GOPC: variants seen among roughly 807,000 people sequenced by gnomAD.
GOPC encodes Golgi-associated PDZ and coiled-coil motif-containing protein.
A neutral mutation model predicts 51.2 loss-of-function variants in GOPC; 32 were observed. The observed-to-expected ratio is 0.63, with a 90% CI of 0.47 to 0.84. GOPC has a LOEUF of 0.84. Ranked by LOEUF, GOPC falls within the 40% of genes least tolerant of loss-of-function variation. The pLI, the probability that GOPC is intolerant of heterozygous loss-of-function variation, is 0.00. For missense variants in GOPC, 441 were observed against 555.5 expected, an observed-to-expected ratio of 0.79 and a Z score of 2.07; for synonymous variants, 190 against 205.1, an observed-to-expected ratio of 0.93 and a Z score of 0.63.
At chr6:117,597,011 T>C (rs1780207040) in intron 1 of GOPC, among the ~76,000 whole-genome samples, 1 of 152,232 alleles carries the variant, frequency 6.6e-6, no homozygotes, top group Admixed American at 6.5e-5. Flanking sequence ...ATTCTACCCA[T>C]TCATGAGCAT....
chr6:117,580,439 G>C (rs988732710), intron 1 of GOPC, among the ~76,000 whole-genome samples: 1 of 151,842 alleles, frequency 6.6e-6, no homozygotes, highest in Non-Finnish European at 1.5e-5. Flanking sequence ...TGTTATTATC[G>C]AGGAGACTAA....
chr6:117,586,411 T>C (rs1780033519), intron 1 of GOPC, among the ~76,000 whole-genome samples: 1 of 151,934 alleles, frequency 6.6e-6, no homozygotes, highest in South Asian at 2.1e-4. Flanking sequence ...GCAATTCCAT[T>C]TTATCTGGCA....
intron 3 of GOPC, among the ~76,000 whole-genome samples, chr6:117,575,715 T>C (rs969349505): frequency 6.6e-6 from 1 of 152,190 alleles, no homozygotes; most frequent in East Asian, 1.9e-4. Flanking sequence ...TTAACTGTTA[T>C]TTATAGATCA....
At chr6:117,584,360 A>G (rs1224612600) in intron 1 of GOPC, among the ~76,000 whole-genome samples, 2 of 152,310 alleles carry the variant, frequency 1.3e-5, no homozygotes, top group Middle Eastern at 3.4e-3. Flanking sequence ...CTTTTCAGAC[A>G]CTAGTTGCAA....
At chr6:117,582,497 C>T (rs1423276320) in intron 1 of GOPC, among the ~76,000 whole-genome samples, 2 of 151,516 alleles carry the variant, frequency 1.3e-5, no homozygotes, top group Non-Finnish European at 2.9e-5. Context: ...TCTAAAACTA[C>T]CTATGGCCTG....
rs1401079208 is a variant in GOPC at position 117,561,031 on chromosome 6, T to C, written c.*2223A>G. 4.5e-6 allele frequency: 1 copy of C among 219,804 alleles called. No homozygotes were observed. Among genetic ancestry groups the C allele is most frequent in the Non-Finnish European group, 9.1e-6 (1 of 109,616 alleles). 13.6% of individuals were successfully genotyped at this position (219,804 alleles called of 1,614,324 possible). ...CATTCTAAAATGAACTTTTAACTAG[T>C]TACTTTCTAACACCGGACAGGAAGC... On this transcript the variant is annotated 3_prime_UTR_variant, in exon 9 of 9. Transcript: ENST00000368498.
chr6:117,592,471 C>G (rs1372644098), intron 1 of GOPC, among the ~76,000 whole-genome samples: 1 of 152,144 alleles, frequency 6.6e-6, no homozygotes, highest in African/African-American at 2.4e-5. Flanking sequence ...ACAGGGCTGG[C>G]TCTTTCTGGA....
At chr6:117,572,842 A>T (rs188175698) in intron 5 of GOPC, among the ~76,000 whole-genome samples, 2 of 152,224 alleles carry the variant, frequency 1.3e-5, no homozygotes, top group South Asian at 4.1e-4. Flanking sequence ...TTACTATTTA[A>T]GGCCATACAT....
chr6:117,568,517 T>TATCC lies in GOPC; in HGVS notation c.1077+1054_1077+1055insGGAT, dbSNP rs565663416. Among the ~76,000 whole-genome samples, 30 of 152,354 alleles carry TATCC rather than the reference T, an allele frequency of 2.0e-4. No homozygotes were observed. The South Asian group carries it at 6.0e-3, about 30-fold the overall frequency. On this transcript the variant is annotated intron_variant, in intron 7 of 8. Transcript: ENST00000368498. Reference sequence around the variant, plus strand: ...ACCAGTTATCCCACTCTTTTGCTACTGGATGACAGTCAAGATGGATTGATA... The same window carrying TATCC: ...ACCAGTTATCCCACTCTTTTGCTACTATCCGGATGACAGTCAAGATGGATTGATA...
chr6:117,571,155 T>A (rs1413219189), intron 5 of GOPC, among the ~76,000 whole-genome samples, 200 bp from the exon 6 acceptor site: 2 of 152,146 alleles, frequency 1.3e-5, no homozygotes, highest in East Asian at 3.8e-4. Context: ...ATAGATGATA[T>A]TCTCACCCTT....
intron 1 of GOPC, among the ~76,000 whole-genome samples, chr6:117,592,509 G>A (rs1014985305): frequency 6.6e-6 from 1 of 152,112 alleles, no homozygotes; most frequent in Non-Finnish European, 1.5e-5. Flanking sequence ...CCAGCTTTTG[G>A]TGCTGTTGGC....
chr6:117,569,888 G>T, intron 6 of GOPC, 152 bp from the exon 7 acceptor site: 1 of 851,442 alleles, frequency 1.2e-6, no homozygotes, highest in Non-Finnish European at 1.6e-6. Context: ...TGCTACTTAA[G>T]TAATGGTAAA....
At chr6:117,600,405 A>C (rs1771976937) in intron 1 of GOPC, among the ~76,000 whole-genome samples, 1 of 152,248 alleles carries the variant, frequency 6.6e-6, no homozygotes, top group Non-Finnish European at 1.5e-5. Context: ...TTGGAGATTC[A>C]ATACTGTCAC....
Position 117,562,050 on chromosome 6 carries a change from C to T in GOPC, c.*1204G>A, listed in dbSNP as rs1255369776. On this transcript the variant is annotated 3_prime_UTR_variant, in exon 9 of 9. Transcript: ENST00000368498. ...ACAGTGATATTAGCAAAGCTATCAC[C>T]TCTTTAATGCAATGTTGTGACTTTG... The T allele has an allele frequency of 4.8e-6, 1 of 206,214 alleles. No individual in the cohort carries two copies. Among genetic ancestry groups the T allele is most frequent in the Non-Finnish European group, 9.9e-6 (1 of 100,888 alleles). The allele number at this position is 206,214 out of a possible 1,614,324, so 12.8% of individuals were successfully genotyped here.
At position 117,562,611 on chromosome 6, in the gene GOPC, A is replaced by G. The variant is rs1779607439; in HGVS notation, c.*643T>C. The G allele has an allele frequency of 4.9e-6, 1 of 202,562 alleles. No homozygotes were observed. The highest frequency in any genetic ancestry group is 6.0e-5 in the Admixed American group (1 of 16,714). The allele number at this position is 202,562 out of a possible 1,614,324, so 12.5% of individuals were successfully genotyped here. On this transcript the variant is annotated 3_prime_UTR_variant, in exon 9 of 9. Transcript: ENST00000368498. Reference sequence around the variant, plus strand: ...TAGTAACTTTTGAGAATCTATTTCTAGTGCAGCATTGATTGATAAAAGACT... The same window carrying G: ...TAGTAACTTTTGAGAATCTATTTCTGGTGCAGCATTGATTGATAAAAGACT...
intron 1 of GOPC, among the ~76,000 whole-genome samples, chr6:117,582,701 T>G (rs1327020855): frequency 1.3e-5 from 2 of 150,154 alleles, no homozygotes; most frequent in African/African-American, 4.9e-5. Flanking sequence ...GAGAGCCACT[T>G]TCATCACTCA....
rs1779577744 is a variant in GOPC, at chr6:117,561,196, T to C, written c.*2058A>G. 1 of 223,064 alleles carries C rather than the reference T, an allele frequency of 4.5e-6. No homozygotes were observed. The highest frequency in any genetic ancestry group is 1.8e-4 in the South Asian group (1 of 5,448). The allele number at this position is 223,064 out of a possible 1,614,324, so 13.8% of individuals were successfully genotyped here. A position where few individuals can be genotyped will look rare whatever the true frequency, so the allele number is the denominator to read the frequency against. Reference sequence around the variant, plus strand: ...TATTTATCAGTCCTTAAAAGGAATTTATATCATGACAATCTCACACAATTC... The same window carrying C: ...TATTTATCAGTCCTTAAAAGGAATTCATATCATGACAATCTCACACAATTC... On this transcript the variant is annotated 3_prime_UTR_variant, in exon 9 of 9. Coordinates refer to ENST00000368498, the MANE Select transcript of GOPC (RefSeq NM_020399.4).
At chr6:117,590,571 CAAAAAAAA>C (rs563071906) in intron 1 of GOPC, among the ~76,000 whole-genome samples, 7 of 69,516 alleles carry the variant, frequency 1.0e-4, no homozygotes, top group African/African-American at 2.6e-4. Flanking sequence ...GACCCTGTCT[CAAAAAAAA>C]AAAAAAAAAA....
chr6:117,589,854 T>C (rs1780089523), intron 1 of GOPC, among the ~76,000 whole-genome samples: 1 of 152,204 alleles, frequency 6.6e-6, no homozygotes, highest in Non-Finnish European at 1.5e-5. Context: ...CTCAATATTT[T>C]AGGAATATCA....
Sources: allele counts gnomAD v4.1 joint callset (sites outside exome capture counted in the v4.1 genomes callset), GRCh38; gene constraint gnomAD v4.1.1; transcripts MANE v1.5; gene names NCBI Gene and HGNC (gene_info 2026-07-23, HGNC 2026-07-21).